The following KLHL21 variants were observed in gnomAD, a reference collection of about 807,000 sequenced individuals.
KLHL21 encodes kelch-like protein 21.
In KLHL21, 42 loss-of-function variants were observed where a neutral mutation model predicts 44.1. That is an observed-to-expected ratio of 0.95 (90% CI 0.74 to 1.23). The LOEUF (loss-of-function observed/expected upper bound fraction) is 1.23. KLHL21 is among the 50% of genes most tolerant of loss of function. The probability of loss-of-function intolerance (pLI) is 0.00; values close to 1 mark genes in which losing one functional copy is unlikely to be tolerated. For missense variants in KLHL21, 918 were observed against 889.1 expected, an observed-to-expected ratio of 1.03 and a Z score of -0.41; for synonymous variants, 524 against 411.6, an observed-to-expected ratio of 1.27 and a Z score of -3.31.
chr1:6,595,058 A>T, intron 3 of KLHL21: 1 of 330,010 alleles, frequency 3.0e-6, no homozygotes. Flanking sequence ...ACCCTGTCTC[A>T]AAAATAAAAA....
At chr1:6,597,428 AC>A (rs1640942991) in intron 2 of KLHL21, among the ~76,000 whole-genome samples, 1 of 151,768 alleles carries the variant, frequency 6.6e-6, no homozygotes, top group East Asian at 1.9e-4. Flanking sequence ...AGCCATCTCC[AC>A]CCCCTCTTTG....
intron 2 of KLHL21, among the ~76,000 whole-genome samples, chr1:6,596,225 C>T (rs1420559286): frequency 6.6e-6 from 1 of 152,154 alleles, no homozygotes; most frequent in African/African-American, 2.4e-5. Context: ...ACGATGAAAC[C>T]CCGTCTCTAG....
At position 6,602,450 on chromosome 1, in the gene KLHL21, T is replaced by G. The variant is rs781518958; in HGVS notation, c.368A>C (p.Glu123Ala). 3.2e-6 allele frequency: 5 copies of G among 1,585,274 alleles called. No homozygotes were observed. The Admixed American group carries it at 6.9e-5, about 22-fold the overall frequency. ...CTGCTGCAGGAAGGCCCCGCACGCC[T>G]CCTTCACGGCCGGGAACTGCAGCAG... is the stretch of plus-strand genomic sequence containing the variant. ...ADLLQFPAVK[E>A]ACGAFLQQQL... Residue 123 changes from glutamate (E) to alanine (A), a missense_variant, in exon 1 of 4, where the codon GAG becomes GCG. Transcript: ENST00000377658.
At position 6,602,718 on chromosome 1, in the gene KLHL21, A is replaced by G. The variant is rs938704137; in HGVS notation, c.100T>C (p.Phe34Leu). The change falls in exon 1 of 4, where the codon TTC (phenylalanine) becomes CTC (leucine). Residue 34 changes from phenylalanine (F) to leucine (L), a missense_variant. Coordinates refer to ENST00000377658, the MANE Select transcript of KLHL21 (RefSeq NM_014851.4). ...GLSQLRAERKFLDVTLEAAGG... is the reference protein window; with the variant it reads ...GLSQLRAERKLLDVTLEAAGG... The stretch of plus-strand genomic sequence containing the variant: ...GCCGCCTCCAGGGTCACGTCCAGGA[A>G]CTTGCGCTCGGCGCGCAGCTGGCTC... 3.3e-6 allele frequency: 5 copies of G among 1,512,150 alleles called. No individual in the cohort carries two copies. The highest frequency in any genetic ancestry group is 4.4e-6 in the Non-Finnish European group (5 of 1,137,784). 93.7% of individuals were successfully genotyped at this position (1,512,150 alleles called of 1,614,324 possible). A position where few individuals can be genotyped will look rare whatever the true frequency, so the allele number is the denominator to read the frequency against.
chr1:6,595,913 C>T (rs1414324236), intron 2 of KLHL21, among the ~76,000 whole-genome samples: 1 of 152,182 alleles, frequency 6.6e-6, no homozygotes, highest in East Asian at 1.9e-4. Context: ...AAAGAAGCCT[C>T]CTTGCTCCAC....
Position 6,591,583 on chromosome 1 carries a change from T to TA in KLHL21, c.*1781dup, listed in dbSNP as rs1278505034. On this transcript the variant is annotated 3_prime_UTR_variant, in exon 4 of 4. Transcript: ENST00000377658. ...ACCTTGTATGGCCAAACCCAGCCCTTACGCCCCTGCTGACAAGGGAGACAA... is the reference window on the plus strand; with the variant it reads ...ACCTTGTATGGCCAAACCCAGCCCTTAACGCCCCTGCTGACAAGGGAGACAA... 6.6e-6 allele frequency: 1 copy of TA among 152,322 alleles called. No individual in the cohort carries two copies. The highest frequency in any genetic ancestry group is 1.5e-5 in the Non-Finnish European group (1 of 68,136). 9.4% of individuals were successfully genotyped at this position (152,322 alleles called of 1,614,324 possible).
In KLHL21 at chr1:6,601,781, C is replaced by T; in HGVS notation, c.1021+16G>A. The stretch of plus-strand genomic sequence containing the variant: ...GTTCAACCCCAGAGAGCCTGCCCAG[C>T]CCCTGGCCCACTCACCCGTCACGTA... On this transcript the variant is annotated intron_variant, in intron 1 of 3. Transcript: ENST00000377658. 6.4e-7 allele frequency: 1 copy of T among 1,553,712 alleles called. No homozygotes were observed. Among genetic ancestry groups the T allele is most frequent in the Non-Finnish European group, 8.7e-7 (1 of 1,146,044 alleles).
At chr1:6,600,075 T>G (rs1048386344) in intron 1 of KLHL21, among the ~76,000 whole-genome samples, 1 of 152,110 alleles carries the variant, frequency 6.6e-6, no homozygotes, top group African/African-American at 2.4e-5. Flanking sequence ...AGACAGAGTC[T>G]TGCTCTGTCA....
chr1:6,601,835 T>C lies in KLHL21; in HGVS notation c.983A>G (p.Tyr328Cys). The part of the protein sequence containing the change: ...AEFPDHLGGG[Y>C]SIVALGNDIY... ...GTCATTGCCCAGCGCCACGATGCTG[T>C]AGCCTCCGCCCAGGTGGTCTGGGAA... The change falls in exon 1 of 4, where the codon TAC becomes TGC. Residue 328 changes from tyrosine to cysteine, a missense_variant. Physicochemically the swap from Tyr to Cys is radical, Grantham distance 194 (BLOSUM62 -2). Transcript: ENST00000377658. The C allele has an allele frequency of 6.3e-7, 1 of 1,586,026 alleles. No homozygotes were observed. The highest frequency in any genetic ancestry group is 8.6e-7 in the Non-Finnish European group (1 of 1,167,052).
At chr1:6,597,035 G>T (rs757747025) in intron 2 of KLHL21, among the ~76,000 whole-genome samples, 13 of 152,234 alleles carry the variant, frequency 8.5e-5, no homozygotes, top group Non-Finnish European at 1.6e-4. Context: ...CCCCAAGCAG[G>T]GCCCCTGCAT....
At chr1:6,597,432 C>T (rs529325659) in intron 2 of KLHL21, among the ~76,000 whole-genome samples, 4 of 152,312 alleles carry the variant, frequency 2.6e-5, no homozygotes, top group African/African-American at 7.2e-5. Context: ...ATCTCCACCC[C>T]CTCTTTGAAG....
At position 6,602,521 on chromosome 1, in the gene KLHL21, C is replaced by T; in HGVS notation, c.297G>A (p.Val99=). 1 of 1,542,070 alleles carries T rather than the reference C, an allele frequency of 6.5e-7. No individual in the cohort carries two copies. The highest frequency in any genetic ancestry group is 8.7e-7 in the Non-Finnish European group (1 of 1,149,656). Reference sequence around the variant, plus strand: ...GCTCAGCGTTGTCGCCGCTTACCGCCACGCGGCCCGTGTAGCTGAAGTCCA... The same window carrying T: ...GCTCAGCGTTGTCGCCGCTTACCGCTACGCGGCCCGTGTAGCTGAAGTCCA... ...LLLDFSYTGR[V]AVSGDNAEPL... Residue 99 remains valine, a synonymous_variant, in exon 1 of 4, where the codon GTG becomes GTA. Coordinates refer to ENST00000377658, the MANE Select transcript of KLHL21 (RefSeq NM_014851.4).
At chr1:6,601,599 A>G (rs551238668) in intron 1 of KLHL21, among the ~76,000 whole-genome samples, 198 bp downstream of exon 1, 1 of 152,314 alleles carries the variant, frequency 6.6e-6, no homozygotes, top group East Asian at 1.9e-4. Flanking sequence ...ACAAGCAGCT[A>G]CTTGTCCCGG....
rs1451846836 is a variant in KLHL21 at position 6,602,821 on chromosome 1, G to A, written c.-4C>T. The A allele has an allele frequency of 2.8e-6, 4 of 1,430,664 alleles. No individual in the cohort carries two copies. Among genetic ancestry groups the A allele is most frequent in the Non-Finnish European group, 3.6e-6 (4 of 1,102,856 alleles). The allele number at this position is 1,430,664 out of a possible 1,614,324, so 88.6% of individuals were successfully genotyped here. ...CCAGGGGCGCCGGTCGCTCCATGGC[G>A]CCTTCGATAGGTTGTCGAGGACGCC... On this transcript the variant is annotated 5_prime_UTR_variant, in exon 1 of 4. Transcript: ENST00000377658.
At chr1:6,599,692 T>G in intron 1 of KLHL21, 1 of 562,198 alleles carries the variant, frequency 1.8e-6, no homozygotes, top group Non-Finnish European at 3.2e-6. Flanking sequence ...AGGTCCTGAG[T>G]GCAATGCTGG....
Position 6,602,541 on chromosome 1 carries a change from A to T in KLHL21, c.277T>A (p.Phe93Ile), listed in dbSNP as rs1372123693. The T allele has an allele frequency of 1.9e-6, 3 of 1,538,632 alleles. No individual in the cohort carries two copies. In the South Asian group the frequency reaches 3.6e-5, roughly 18 times the overall value. ...PPDMLQLLLDFSYTGRVAVSG... is the reference protein window; with the variant it reads ...PPDMLQLLLDISYTGRVAVSG... The stretch of plus-strand genomic sequence containing the variant: ...ACCGCCACGCGGCCCGTGTAGCTGA[A>T]GTCCAGCAGCAGCTGCAGCATGTCG... The change falls in exon 1 of 4, where the codon TTC becomes ATC. Residue 93 changes from phenylalanine to isoleucine, a missense_variant. Physicochemically the swap from Phe to Ile is conservative, Grantham distance 21 (BLOSUM62 0). Coordinates refer to ENST00000377658, the MANE Select transcript of KLHL21 (RefSeq NM_014851.4).
chr1:6,596,774 C>T (rs762988283), intron 2 of KLHL21, among the ~76,000 whole-genome samples: 10 of 152,324 alleles, frequency 6.6e-5, no homozygotes, highest in South Asian at 4.1e-4. Flanking sequence ...CAGAGCTCGC[C>T]GGCATTCCCA....
intron 3 of KLHL21, chr1:6,594,263 T>C: frequency 5.6e-6 from 1 of 179,110 alleles, no homozygotes; most frequent in Non-Finnish European, 1.1e-5. Context: ...TACCTCAGAC[T>C]AACACTGCTC....
rs993024329 is a variant in KLHL21, at chr1:6,590,919, A to G, written c.*2446T>C. On this transcript the variant is annotated 3_prime_UTR_variant, in exon 4 of 4. Coordinates refer to ENST00000377658, the MANE Select transcript of KLHL21 (RefSeq NM_014851.4). ...CGCGTCTCTGAAGTCATATAAATAT[A>G]GAATACCTTATAGTAGATCAGCATT... 7.5e-6 allele frequency: 3 copies of G among 398,554 alleles called. No homozygotes were observed. Among genetic ancestry groups the G allele is most frequent in the Admixed American group, 4.4e-5 (1 of 22,722 alleles). 24.7% of individuals were successfully genotyped at this position (398,554 alleles called of 1,614,324 possible).
Sources: gnomAD v4.1 joint callset for allele counts (sites outside exome capture counted in the v4.1 genomes callset) on GRCh38, gnomAD v4.1.1 for gene constraint, MANE v1.5 for transcripts, NCBI Gene and HGNC (gene_info 2026-07-23, HGNC 2026-07-21) for gene names.